The following ANK2 variants were observed in gnomAD, a reference collection of about 807,000 sequenced individuals.
ANK2 encodes ankyrin-2.
A neutral mutation model predicts 360.5 loss-of-function variants in ANK2; 83 were observed. The observed-to-expected ratio is 0.23, with a 90% CI of 0.19 to 0.28. The LOEUF (loss-of-function observed/expected upper bound fraction) is 0.28, where lower values mean the gene tolerates loss of function less well. ANK2 is among the 10% of genes least tolerant of loss of function. The pLI is 1.00. For synonymous variants in ANK2, 1,740 were observed against 1,759.5 expected, an observed-to-expected ratio of 0.99 and a Z score of 0.28; for missense variants, 4,201 against 4,795.7, an observed-to-expected ratio of 0.88 and a Z score of 3.66.
At chr4:113,045,250 T>C (rs2063989659), upstream of ANK2, among the ~76,000 whole-genome samples, 1 of 152,224 alleles carries the variant, frequency 6.6e-6, no homozygotes, top group Non-Finnish European at 1.5e-5. Context: ...TAAAACTCCA[T>C]GCCTATAAAA....
chr4:113,274,429 T>C (rs2153687634), intron 14 of ANK2, 23 bp from the exon 15 acceptor site: 1 of 1,613,366 alleles, frequency 6.2e-7, no homozygotes, highest in Non-Finnish European at 8.5e-7. Context: ...CGGCACTAAC[T>C]TTTTACTTGG....
chr4:113,277,675 T>G (rs1298761473), intron 15 of ANK2, among the ~76,000 whole-genome samples, 162 bp from the exon 16 acceptor site: 1 of 152,242 alleles, frequency 6.6e-6, no homozygotes, highest in African/African-American at 2.4e-5. Flanking sequence ...TAAATTGTAT[T>G]CTTTTTCTTT....
intron 1 of ANK2, among the ~76,000 whole-genome samples, chr4:113,062,582 T>C (rs1372823233): frequency 6.6e-6 from 1 of 152,144 alleles, no homozygotes; most frequent in Non-Finnish European, 1.5e-5. Context: ...GTAGAGGTTA[T>C]TATATACTTT....
intron 4 of ANK2, among the ~76,000 whole-genome samples, chr4:113,209,283 T>G (rs1361965082): frequency 6.6e-6 from 1 of 151,776 alleles, no homozygotes; most frequent in African/African-American, 2.4e-5. Context: ...AAATAGATGG[T>G]GAATGTTTCT....
chr4:113,126,404 G>A (rs114116857), intron 1 of ANK2, among the ~76,000 whole-genome samples: 61 of 152,244 alleles, frequency 4.0e-4, no homozygotes, highest in African/African-American at 1.4e-3. Context: ...CTTATTTATG[G>A]CTCCTGCCTC....
the ANK2 span, among the ~76,000 whole-genome samples, chr4:112,803,763 G>A: frequency 1.3e-5 from 2 of 152,124 alleles, no homozygotes; most frequent in Admixed American, 1.3e-4. Context: ...CATATATAGA[G>A]ACTATGTCTT....
intron 23 of ANK2, among the ~76,000 whole-genome samples, chr4:113,309,081 A>G (rs948159416): frequency 6.6e-6 from 1 of 152,202 alleles, no homozygotes; most frequent in East Asian, 1.9e-4. Context: ...ACATTCTGTT[A>G]ATTTCTACTT....
chr4:112,865,816 G>T (rs891804343), intron 1 of ANK2, among the ~76,000 whole-genome samples: 3 of 152,144 alleles, frequency 2.0e-5, no homozygotes, highest in African/African-American at 7.2e-5. Flanking sequence ...GCTTTATAAA[G>T]ATCTATTTTT....
At chr4:112,780,280 A>G in the ANK2 span, among the ~76,000 whole-genome samples, 1 of 152,170 alleles carries the variant, frequency 6.6e-6, no homozygotes, top group African/African-American at 2.4e-5. Context: ...TTGCTTGTGC[A>G]TCTCCAGTCA....
At chr4:112,770,530 A>C in the ANK2 span, among the ~76,000 whole-genome samples, 1 of 152,186 alleles carries the variant, frequency 6.6e-6, no homozygotes, top group African/African-American at 2.4e-5. Context: ...ACATGGTGAA[A>C]TCCTGTCTCT....
At chr4:113,338,543 C>CTTTTTTTTTT (rs71582166) in intron 31 of ANK2, among the ~76,000 whole-genome samples, 2 of 96,118 alleles carry the variant, frequency 2.1e-5, no homozygotes, top group African/African-American at 9.6e-5. Context: ...AGATTGTTCA[C>CTTTTTTTTTT]TTTTTTTTTT....
intron 4 of ANK2, among the ~76,000 whole-genome samples, chr4:113,207,615 A>G (rs1274525009): frequency 6.6e-6 from 1 of 151,042 alleles, no homozygotes; most frequent in Non-Finnish European, 1.5e-5. Flanking sequence ...TGTATATTCC[A>G]CAACAACTAA....
At position 113,330,228 on chromosome 4, in the gene ANK2, T is replaced by C. The variant is rs201531528; in HGVS notation, c.2901-18T>C. 6 of 1,608,524 alleles carry C rather than the reference T, an allele frequency of 3.7e-6. No individual in the cohort carries two copies. The highest frequency in any genetic ancestry group is 1.7e-5 in the Admixed American group (1 of 59,666). On this transcript the variant is annotated intron_variant, in intron 26 of 45. Transcript: ENST00000357077. ...CCAATATTTCAAAACATATCTAATCTTCTATTTTAATTTTTAGTTTCCTGG... is the reference window on the plus strand; with the variant it reads ...CCAATATTTCAAAACATATCTAATCCTCTATTTTAATTTTTAGTTTCCTGG...
At chr4:112,831,073 C>T (rs2059608419) in intron 1 of ANK2, among the ~76,000 whole-genome samples, 1 of 152,224 alleles carries the variant, frequency 6.6e-6, no homozygotes, top group South Asian at 2.1e-4. Flanking sequence ...TGCAGCCCAC[C>T]ATGCCTGAGC....
At position 113,230,938 on chromosome 4, in the gene ANK2, A is replaced by G. The variant is rs114720888; in HGVS notation, c.385-1223A>G. ...GTAAATAACTGTGTAAGTGAATGTG[A>G]GAATGAATGATAGAATTTCAAAATG... On this transcript the variant is annotated intron_variant, in intron 4 of 45. Coordinates refer to ENST00000357077, the MANE Select transcript of ANK2 (RefSeq NM_001148.6). Among the ~76,000 whole-genome samples, 731 of 152,342 alleles carry G rather than the reference A, an allele frequency of 4.8e-3. 7 individuals carry two copies. Among genetic ancestry groups the G allele is most frequent in the African/African-American group, 0.017 (690 of 41,578 alleles).
At chr4:113,227,903 A>C (rs988904074) in intron 4 of ANK2, among the ~76,000 whole-genome samples, 2 of 152,214 alleles carry the variant, frequency 1.3e-5, no homozygotes, top group African/African-American at 4.8e-5. Flanking sequence ...TACTATGATA[A>C]ACTTGAGCTG....
the ANK2 span, among the ~76,000 whole-genome samples, chr4:112,747,087 T>C: frequency 6.6e-6 from 1 of 152,310 alleles, no homozygotes; most frequent in Admixed American, 6.5e-5. Context: ...ACACCAACCT[T>C]ATCTCTTAAG....
At chr4:113,090,393 C>G (rs7669861) in intron 1 of ANK2, among the ~76,000 whole-genome samples, 19,119 of 152,064 alleles carry the variant, frequency 0.13, 1,560 homozygotes, top group African/African-American at 0.23. Context: ...CAGATATCCT[C>G]TTGATTACTT....
chr4:113,152,472 TTTTA>T (rs1382817538), intron 1 of ANK2: 55 of 152,310 alleles, frequency 3.6e-4, no homozygotes, highest in African/African-American at 1.2e-3. Flanking sequence ...AATTCTTTAT[TTTTA>T]TTTAAGGGTT....
Sources: gnomAD v4.1 joint callset for allele counts (sites outside exome capture counted in the v4.1 genomes callset) on GRCh38, gnomAD v4.1.1 for gene constraint, MANE v1.5 for transcripts, NCBI Gene and HGNC (gene_info 2026-07-23, HGNC 2026-07-21) for gene names.